KCNJ12: variants seen among roughly 807,000 people sequenced by gnomAD.
The protein encoded by KCNJ12 is potassium inwardly rectifying channel subfamily J member 12, also known as ATP-sensitive inward rectifier potassium channel 12.
KCNJ12 carries 2 observed loss-of-function variants against 22.3 expected under a neutral mutation model. The ratio of observed to expected loss-of-function variants is 0.09; its 90% confidence interval spans 0.04 to 0.28. The LOEUF is 0.28. KCNJ12 is among the 10% of genes least tolerant of loss of function. KCNJ12 has a pLI of 1.00. For missense variants in KCNJ12, 155 were observed against 633.3 expected, an observed-to-expected ratio of 0.24 and a Z score of 8.11; for synonymous variants, 117 against 261.4, an observed-to-expected ratio of 0.45 and a Z score of 5.33.
chr17:21,414,685 G>A (rs1261692973), intron 2 of KCNJ12, among the ~76,000 whole-genome samples: 5 of 152,308 alleles, frequency 3.3e-5, no homozygotes, highest in Non-Finnish European at 5.9e-5. Context: ...TGCCAAGGTG[G>A]CGAGGCAGTG....
chr17:21,406,211 G>A (rs1342815080), intron 1 of KCNJ12, among the ~76,000 whole-genome samples: 3 of 152,308 alleles, frequency 2.0e-5, no homozygotes, highest in Non-Finnish European at 2.9e-5. Context: ...TGTCCAGAGG[G>A]GAGAATTGTC....
intron 1 of KCNJ12, among the ~76,000 whole-genome samples, chr17:21,403,131 G>A (rs1361591422): frequency 2.6e-5 from 4 of 152,312 alleles, no homozygotes; most frequent in African/African-American, 7.2e-5. Flanking sequence ...CATCCTTTGA[G>A]CTTGGAGGAT....
chr17:21,380,395 A>C (rs1339945434), intron 1 of KCNJ12, among the ~76,000 whole-genome samples: 1 of 152,148 alleles, frequency 6.6e-6, no homozygotes, highest in Admixed American at 6.5e-5. Context: ...TGGGCATTGC[A>C]TACGGGGAGA....
At chr17:21,398,329 C>G (rs911626817) in intron 1 of KCNJ12, among the ~76,000 whole-genome samples, 2 of 152,194 alleles carry the variant, frequency 1.3e-5, no homozygotes, top group Non-Finnish European at 1.5e-5. Flanking sequence ...TCTCTGGTAC[C>G]CGAGGCCCTG....
At chr17:21,385,354 C>T (rs1181759212) in intron 1 of KCNJ12, among the ~76,000 whole-genome samples, 2 of 152,204 alleles carry the variant, frequency 1.3e-5, no homozygotes, top group Non-Finnish European at 2.9e-5. Context: ...AGTCCATTCT[C>T]GTGTCTGGGC....
At chr17:21,383,683 C>G (rs1198147503) in intron 1 of KCNJ12, among the ~76,000 whole-genome samples, 1 of 152,140 alleles carries the variant, frequency 6.6e-6, no homozygotes, top group Non-Finnish European at 1.5e-5. Context: ...TTCTTTCCAT[C>G]CCCTCCTTTC....
At chr17:21,382,575 G>A (rs578151232) in intron 1 of KCNJ12, among the ~76,000 whole-genome samples, 4 of 152,196 alleles carry the variant, frequency 2.6e-5, no homozygotes, top group Non-Finnish European at 4.4e-5. Flanking sequence ...AGCGGCTTTA[G>A]TGGCCAGCAG....
At chr17:21,409,399 G>A (rs1906187221) in intron 2 of KCNJ12, among the ~76,000 whole-genome samples, 1 of 152,310 alleles carries the variant, frequency 6.6e-6, no homozygotes, top group South Asian at 2.1e-4. Context: ...ACCCTATGAG[G>A]AAGGCCCAGG....
At chr17:21,411,325 G>T (rs548279538) in intron 2 of KCNJ12, among the ~76,000 whole-genome samples, 1 of 152,308 alleles carries the variant, frequency 6.6e-6, no homozygotes, top group African/African-American at 2.4e-5. Context: ...TGGACTGGTC[G>T]CTGGGAGGCT....
intron 1 of KCNJ12, among the ~76,000 whole-genome samples, chr17:21,379,805 C>T (rs1473097178): frequency 6.6e-6 from 1 of 151,596 alleles, no homozygotes; most frequent in Admixed American, 6.6e-5. Context: ...GGGGGGGGGC[C>T]TGGCAGAGGC....
chr17:21,384,232 T>A (rs547615583), intron 1 of KCNJ12, among the ~76,000 whole-genome samples: 1 of 151,972 alleles, frequency 6.6e-6, no homozygotes, highest in Non-Finnish European at 1.5e-5. Flanking sequence ...ACCCAGGGGG[T>A]CTCATCCTGT....
At position 21,384,711 on chromosome 17, in the gene KCNJ12, T is replaced by C. The variant is rs145676908; in HGVS notation, c.-179+7798T>C. On this transcript the variant is annotated intron_variant, in intron 1 of 2. Transcript: ENST00000583088. ...ACTTGTTCCCTCACTGTCTTCAGGC[T>C]GGGGCAGGCCTCTGTGTGGGGAATG... 7.1e-3 allele frequency among the ~76,000 whole-genome samples: 1,079 copies of C among 151,588 alleles called. 19 individuals are homozygous for C. The highest frequency in any genetic ancestry group is 0.024 in the African/African-American group (984 of 41,316).
intron 2 of KCNJ12, among the ~76,000 whole-genome samples, chr17:21,410,748 C>T (rs1305624433): frequency 1.3e-5 from 2 of 152,294 alleles, no homozygotes; most frequent in African/African-American, 4.8e-5. Flanking sequence ...CTGGTTTCAC[C>T]CCTACAGCCC....
intron 2 of KCNJ12, among the ~76,000 whole-genome samples, chr17:21,413,976 G>T (rs1906529994): frequency 1.3e-5 from 2 of 152,400 alleles, no homozygotes; most frequent in Admixed American, 6.5e-5. Flanking sequence ...GCCCTCGGCT[G>T]AGGTCAGCCA....
chr17:21,405,986 C>T (rs73979831), intron 1 of KCNJ12, among the ~76,000 whole-genome samples: 5 of 152,284 alleles, frequency 3.3e-5, no homozygotes, highest in Admixed American at 2.0e-4. Context: ...AATGCCCCTT[C>T]CAGGTAGTAG....
intron 1 of KCNJ12, among the ~76,000 whole-genome samples, chr17:21,388,630 C>T (rs1380451811): frequency 2.0e-5 from 3 of 151,490 alleles, no homozygotes; most frequent in Non-Finnish European, 4.4e-5. Flanking sequence ...AGTGTGACGT[C>T]GTGCTGAGGC....
chr17:21,388,486 G>A (rs953903322), intron 1 of KCNJ12, among the ~76,000 whole-genome samples: 18 of 152,324 alleles, frequency 1.2e-4, no homozygotes, highest in African/African-American at 4.1e-4. Flanking sequence ...GGCCAAGGGA[G>A]CTTGGGTGTC....
rs1249300083 is a variant in KCNJ12, at chr17:21,411,453, G to A, written c.-57+2813G>A. 2.0e-5 allele frequency among the ~76,000 whole-genome samples: 3 copies of A among 152,236 alleles called. No homozygotes were observed. The East Asian group carries it at 5.8e-4, about 29-fold the overall frequency. ...TGGGTTTGCTTCACTGCCCCTTGGT[G>A]TTGAAACCGCCTTGTCTAGCTCAGG... is the stretch of plus-strand genomic sequence containing the variant. On this transcript the variant is annotated intron_variant, in intron 2 of 2. Transcript: ENST00000583088.
At chr17:21,392,907 G>A (rs947984117) in intron 1 of KCNJ12, among the ~76,000 whole-genome samples, 13 of 152,196 alleles carry the variant, frequency 8.5e-5, no homozygotes, top group Non-Finnish European at 1.6e-4. Context: ...TGGGGTGTGT[G>A]TGGAGATGCA....
Sources: allele counts gnomAD v4.1 joint callset (sites outside exome capture counted in the v4.1 genomes callset), GRCh38; gene constraint gnomAD v4.1.1; transcripts MANE v1.5; gene names NCBI Gene and HGNC (gene_info 2026-07-23, HGNC 2026-07-21).